OSTM1: variants seen among roughly 807,000 people sequenced by gnomAD.
OSTM1 encodes osteopetrosis-associated transmembrane protein 1.
A neutral mutation model predicts 35.4 loss-of-function variants in OSTM1; 26 were observed. The ratio of observed to expected loss-of-function variants is 0.73; its 90% CI spans 0.54 to 1.02. The LOEUF (loss-of-function observed/expected upper bound fraction) is 1.02. OSTM1 is among the 50% of genes least tolerant of loss of function. The pLI is 0.00. For missense variants in OSTM1, 366 were observed against 409.6 expected, an observed-to-expected ratio of 0.89 and a Z score of 0.92; for synonymous variants, 181 against 165.0, an observed-to-expected ratio of 1.10 and a Z score of -0.75.
At chr6:108,056,534 AGAT>A (rs1772172345) in intron 2 of OSTM1, among the ~76,000 whole-genome samples, 1 of 152,358 alleles carries the variant, frequency 6.6e-6, no homozygotes, top group South Asian at 2.1e-4. Context: ...TTAGCAACTG[AGAT>A]GAAACCTAAA....
At chr6:108,071,440 C>T (rs368486585) in intron 1 of OSTM1, among the ~76,000 whole-genome samples, 5 of 149,342 alleles carry the variant, frequency 3.3e-5, no homozygotes, top group African/African-American at 4.9e-5. Context: ...TGAGTAGCTG[C>T]GCACCACCAC....
At chr6:108,073,542 G>A (rs1044827900) in intron 1 of OSTM1, 1 of 152,166 alleles carries the variant, frequency 6.6e-6, no homozygotes, top group Non-Finnish European at 1.5e-5. Context: ...CATTTACTTA[G>A]AGGTATTACT....
intron 5 of OSTM1, 65 bp downstream of exon 5, chr6:108,049,188 A>G (rs892746648): frequency 8.9e-7 from 1 of 1,120,590 alleles, no homozygotes; most frequent in Non-Finnish European, 1.3e-6. Flanking sequence ...ATCATTTCTA[A>G]AACAGGCCTA....
chr6:108,055,319 C>CTTT (rs111413418), intron 2 of OSTM1, among the ~76,000 whole-genome samples: 1 of 148,216 alleles, frequency 6.7e-6, no homozygotes, highest in African/African-American at 2.5e-5. Flanking sequence ...ATCTATTCTT[C>CTTT]TTTTTTTTTT....
At chr6:108,067,808 T>A (rs9400193) in intron 1 of OSTM1, among the ~76,000 whole-genome samples, 38,335 of 141,666 alleles carry the variant, frequency 0.27, 5,499 homozygotes, top group Admixed American at 0.45. Flanking sequence ...CCAGCTTGGT[T>A]GACAGAGCGA....
At chr6:108,047,629 A>C (rs1772001224) in intron 5 of OSTM1, among the ~76,000 whole-genome samples, 1 of 152,186 alleles carries the variant, frequency 6.6e-6, no homozygotes, top group South Asian at 2.1e-4. Flanking sequence ...AGAGATGAAG[A>C]TGGTTTGGGC....
At chr6:108,050,284 T>C (rs1458929472) in intron 4 of OSTM1, among the ~76,000 whole-genome samples, 1 of 149,350 alleles carries the variant, frequency 6.7e-6, no homozygotes, top group African/African-American at 2.5e-5. Context: ...GTAATAGATA[T>C]AAGAAAATAA....
In OSTM1 at chr6:108,042,693, T is replaced by TG. The variant is rs1230173535; in HGVS notation, c.*2091dup. On this transcript the variant is annotated 3_prime_UTR_variant, in exon 6 of 6. Transcript: ENST00000193322. ...TCCCAAAGTGCTGCAAATACAGGTA[T>TG]GAGACACTGTGTCCAGCTGATGGTA... is the stretch of plus-strand genomic sequence containing the variant. The TG allele has an allele frequency of 2.0e-5, 3 of 152,148 alleles. No individual in the cohort carries two copies. The highest frequency in any genetic ancestry group is 1.3e-4 in the Admixed American group (2 of 15,272). The allele number at this position is 152,148 out of a possible 1,614,324, so 9.4% of individuals were successfully genotyped here. A position where few individuals can be genotyped will look rare whatever the true frequency, so the allele number is the denominator to read the frequency against.
Position 108,056,310 on chromosome 6 carries a change from A to T in OSTM1, c.518-1723T>A, listed in dbSNP as rs369446880. Among the ~76,000 whole-genome samples, 13 of 152,334 alleles carry T rather than the reference A, an allele frequency of 8.5e-5. No individual in the cohort carries two copies. In the East Asian group the frequency reaches 1.5e-3, roughly 18 times the overall value. On this transcript the variant is annotated intron_variant, in intron 2 of 5. Coordinates refer to ENST00000193322, the MANE Select transcript of OSTM1 (RefSeq NM_014028.4). ...TAAGGAAGTTGCCCAAGGACATAAA[A>T]CTGGTAAGTAAAAAGCTAGACTCTG...
At chr6:108,068,710 C>T (rs1373112558) in intron 1 of OSTM1, among the ~76,000 whole-genome samples, 2 of 151,998 alleles carry the variant, frequency 1.3e-5, no homozygotes, top group East Asian at 3.9e-4. Context: ...TCTTCCCCTA[C>T]CCTCCCCAGC....
chr6:108,046,424 C>T (rs540071254), intron 5 of OSTM1, among the ~76,000 whole-genome samples: 1 of 150,986 alleles, frequency 6.6e-6, no homozygotes, highest in East Asian at 1.9e-4. Context: ...TCACTGCAAC[C>T]TCTGCCTCCT....
At chr6:108,061,557 G>T (rs1772271825) in intron 2 of OSTM1, among the ~76,000 whole-genome samples, 1 of 151,204 alleles carries the variant, frequency 6.6e-6, no homozygotes. Context: ...ACAGGGTCTT[G>T]CTCTGTTGCC....
rs983532006 is a variant in OSTM1 at position 108,043,915 on chromosome 6, A to G, written c.*870T>C. On this transcript the variant is annotated 3_prime_UTR_variant, in exon 6 of 6. Coordinates refer to ENST00000193322, the MANE Select transcript of OSTM1 (RefSeq NM_014028.4). ...GTCTCTCTTCTCCAAAATCCTCTAT[A>G]TATCTTAAGAAGAAAATATTCCTTT... is the stretch of plus-strand genomic sequence containing the variant. The G allele has an allele frequency of 6.6e-6, 1 of 152,422 alleles. No individual in the cohort carries two copies. The highest frequency in any genetic ancestry group is 2.4e-5 in the African/African-American group (1 of 41,456). The allele number at this position is 152,422 out of a possible 1,614,324, so 9.4% of individuals were successfully genotyped here. A position where few individuals can be genotyped will look rare whatever the true frequency, so the allele number is the denominator to read the frequency against.
At chr6:108,050,358 CTTTTTTTTTTTT>C (rs759901355) in intron 4 of OSTM1, among the ~76,000 whole-genome samples, 5 of 104,836 alleles carry the variant, frequency 4.8e-5, no homozygotes, top group African/African-American at 1.9e-4. Context: ...CCAGAAACGT[CTTTTTTTTTTTT>C]TTTTTTTTTT....
chr6:108,058,194 C>T (rs993167462), intron 2 of OSTM1, among the ~76,000 whole-genome samples: 1 of 152,010 alleles, frequency 6.6e-6, no homozygotes, highest in African/African-American at 2.4e-5. Context: ...GTTAAGACCT[C>T]ACAGAGAAAC....
intron 4 of OSTM1, among the ~76,000 whole-genome samples, chr6:108,049,875 A>T (rs9400183): frequency 0.16 from 25,014 of 152,238 alleles, 2,542 homozygotes; most frequent in Admixed American, 0.21. Flanking sequence ...TACCATCTCG[A>T]ATATTATTGG....
Position 108,074,582 on chromosome 6 carries a change from G to C in OSTM1, c.70C>G (p.Leu24Val). The change falls in exon 1 of 6, where the codon CTG (leucine) becomes GTG (valine). Residue 24 changes from leucine to valine, a missense_variant. Physicochemically the swap from Leu to Val is conservative, Grantham distance 32. Around this residue, in one of 3 missense-constraint regions of OSTM1, gnomAD observed 236 missense variants for 239.3 expected, o/e 0.99. Transcript: ENST00000193322. ...LPPWLPLGLL[L>V]WSGLALGALP... ...GCGCCCAGGGCCAGCCCCGACCACA[G>C]CAGCAGCCCCAGCGGCAGCCACGGC... The C allele has an allele frequency of 6.4e-7, 1 of 1,566,044 alleles. No homozygotes were observed. The highest frequency in any genetic ancestry group is 1.2e-5 in the South Asian group (1 of 86,226).
At chr6:108,065,017 C>T (rs1370707949) in intron 1 of OSTM1, among the ~76,000 whole-genome samples, 1 of 152,080 alleles carries the variant, frequency 6.6e-6, no homozygotes, top group Non-Finnish European at 1.5e-5. Context: ...TGCCACCACA[C>T]CCAGCTAATT....
intron 3 of OSTM1, among the ~76,000 whole-genome samples, chr6:108,053,171 T>C (rs993402796): frequency 1.3e-5 from 2 of 152,252 alleles, no homozygotes; most frequent in Admixed American, 1.3e-4. Flanking sequence ...ATTCTACTTC[T>C]AGAAATCTAC....
Sources: allele counts gnomAD v4.1 joint callset (sites outside exome capture counted in the v4.1 genomes callset), GRCh38; gene constraint gnomAD v4.1.1; regional missense constraint gnomAD v4.1.1; transcripts MANE v1.5; gene names NCBI Gene and HGNC (gene_info 2026-07-23, HGNC 2026-07-21).